LMLN: variants seen among roughly 807,000 people sequenced by gnomAD.
The protein encoded by LMLN is leishmanolysin like peptidase.
Under a neutral mutation model 92.3 loss-of-function variants are expected in LMLN, and 70 were observed. The ratio of observed to expected loss-of-function variants is 0.76; its 90% CI spans 0.63 to 0.92. The LOEUF (loss-of-function observed/expected upper bound fraction) is 0.92. Among genes scored for constraint, LMLN ranks in the 40% least tolerant of loss-of-function variants. LMLN has a pLI of 0.00. For synonymous variants in LMLN, 308 were observed against 296.2 expected (o/e 1.04, Z -0.41); for missense variants, 691 against 814.6 (o/e 0.85, Z 1.85).
chr3:198,035,157 C>T (rs968584370), intron 14 of LMLN, among the ~76,000 whole-genome samples: 1 of 148,630 alleles, frequency 6.7e-6, no homozygotes, highest in Non-Finnish European at 1.5e-5. Context: ...GAGCCAAGAT[C>T]GCCACTGTAT....
At chr3:198,040,042 C>A (rs1723356376) in exon 16 of LMLN, 1 of 152,172 alleles carries the variant, frequency 6.6e-6, no homozygotes, top group Non-Finnish European at 1.5e-5. Context: ...TCCTTTGTGA[C>A]CGATGAAGAT....
At chr3:197,973,783 G>A (rs776171833) in intron 1 of LMLN, among the ~76,000 whole-genome samples, 15 of 152,182 alleles carry the variant, frequency 9.9e-5, no homozygotes, top group Non-Finnish European at 1.9e-4. Context: ...AAATAAAAAT[G>A]TGGTTGTCCA....
At chr3:198,040,224 T>C (rs1723361963) in exon 16 of LMLN, 1 of 152,224 alleles carries the variant, frequency 6.6e-6, no homozygotes, top group South Asian at 2.1e-4. Context: ...TAGCGTCCAC[T>C]GTACCACTTT....
At position 198,019,604 on chromosome 3, in the gene LMLN, G is replaced by GAAT. The variant is rs1431654230; in HGVS notation, c.1365+223_1365+225dup. On this transcript the variant is annotated intron_variant, in intron 12 of 15. Coordinates refer to ENST00000330198, the Ensembl canonical transcript of LMLN. The surrounding 1 kb of genome is among the most constrained non-coding windows in gnomAD (Gnocchi z 5.5). The stretch of plus-strand genomic sequence containing the variant: ...TAGCAGTGTCTTATAATAATGGCAA[G>GAAT]AATAATTTGAATATTTGATCTGTTT... 1.3e-5 allele frequency among the ~76,000 whole-genome samples: 2 copies of GAAT among 152,110 alleles called. No individual in the cohort carries two copies. The highest frequency in any genetic ancestry group is 4.8e-5 in the African/African-American group (2 of 41,410).
chr3:197,962,250 C>G (rs964776625), intron 1 of LMLN, among the ~76,000 whole-genome samples: 1 of 151,888 alleles, frequency 6.6e-6, no homozygotes, highest in Admixed American at 6.6e-5. Context: ...ATGTACTCCT[C>G]TGTATTTGGC....
At position 198,042,646 on chromosome 3, in the gene LMLN, CTG is replaced by C. The variant is rs1188813038; in HGVS notation, c.*3980_*3981del. ...GGAGCAGCAATTTGGGGACAGTAGA[CTG>C]GAGTCACTTTCTGACTCAAAAAGGG... On this transcript the variant is annotated 3_prime_UTR_variant, in exon 16 of 16. Transcript: ENST00000330198. This position sits in a 1 kb window ranked among gnomAD's most constrained non-coding sequence, Gnocchi z 4.2. 2 of 151,956 alleles carry C rather than the reference CTG, an allele frequency of 1.3e-5. No homozygotes were observed. Among genetic ancestry groups the C allele is most frequent in the Non-Finnish European group, 2.9e-5 (2 of 67,980 alleles). The allele number at this position is 151,956 out of a possible 1,614,324, so 9.4% of individuals were successfully genotyped here. A position where few individuals can be genotyped will look rare whatever the true frequency, so the allele number is the denominator to read the frequency against.
intron 1 of LMLN, among the ~76,000 whole-genome samples, chr3:197,968,002 T>A (rs768136888): frequency 1.3e-5 from 2 of 152,230 alleles, no homozygotes; most frequent in Admixed American, 6.5e-5. Context: ...CTAAAATTGC[T>A]GTTATTCTGT....
In LMLN at chr3:198,019,156, T is replaced by G; in HGVS notation, c.1233-97T>G. ...TTTGTTAATTATGAAGGTTTGTATT[T>G]TTAGGCCAGGATCTGGAATTCCATT... is the stretch of plus-strand genomic sequence containing the variant. On this transcript the variant is annotated intron_variant, in intron 11 of 15. Coordinates refer to ENST00000330198, the Ensembl canonical transcript of LMLN. This position sits in a 1 kb window ranked among gnomAD's most constrained non-coding sequence, Gnocchi z 5.5. 1.6e-6 allele frequency: 2 copies of G among 1,244,254 alleles called. No individual in the cohort carries two copies. Among genetic ancestry groups the G allele is most frequent in the Non-Finnish European group, 2.2e-6 (2 of 900,710 alleles). 77.1% of individuals were successfully genotyped at this position (1,244,254 alleles called of 1,614,324 possible). A position where few individuals can be genotyped will look rare whatever the true frequency, so the allele number is the denominator to read the frequency against.
intron 11 of LMLN, among the ~76,000 whole-genome samples, chr3:198,014,851 A>C (rs1486088695): frequency 3.3e-5 from 4 of 120,884 alleles, no homozygotes; most frequent in Admixed American, 8.0e-5. Context: ...GAGCCCCCTA[A>C]CTAGTCTGAC....
chr3:197,965,480 A>G (rs902684376), intron 1 of LMLN, among the ~76,000 whole-genome samples: 52 of 152,098 alleles, frequency 3.4e-4, no homozygotes, highest in Non-Finnish European at 7.4e-5. Context: ...GACTCAAGCA[A>G]TCCTCCTGCC....
chr3:198,017,991 T>C (rs1181820005), intron 11 of LMLN, among the ~76,000 whole-genome samples: 1 of 152,216 alleles, frequency 6.6e-6, no homozygotes, highest in African/African-American at 2.4e-5. Flanking sequence ...GGCTACCATA[T>C]TGGGCAGCAC....
intron 5 of LMLN, among the ~76,000 whole-genome samples, chr3:197,978,196 T>C (rs1468977304): frequency 6.6e-6 from 1 of 152,192 alleles, no homozygotes; most frequent in African/African-American, 2.4e-5. Context: ...TCTGGAAGTA[T>C]ACACACGTTA....
intron 8 of LMLN, among the ~76,000 whole-genome samples, chr3:197,989,496 A>G (rs1435869106): frequency 6.6e-6 from 1 of 152,142 alleles, no homozygotes; most frequent in Non-Finnish European, 1.5e-5. Context: ...CTACTTTCCC[A>G]CTAAATTAAT....
rs868502504 is a variant in LMLN at position 197,980,611 on chromosome 3, C to G, written c.728+107C>G. 42 of 1,106,938 alleles carry G rather than the reference C, an allele frequency of 3.8e-5. No homozygotes were observed. In the Middle Eastern group the frequency reaches 2.4e-3, roughly 65 times the overall value. The allele number at this position is 1,106,938 out of a possible 1,614,324, so 68.6% of individuals were successfully genotyped here. ...CAGGAATCTTGCATTTGCCAGATTG[C>G]CTCTGGTAGACAGGAATAGCATGCT... is the stretch of plus-strand genomic sequence containing the variant. On this transcript the variant is annotated intron_variant, in intron 6 of 15. Transcript: ENST00000330198.
At position 198,019,753 on chromosome 3, in the gene LMLN, TG is replaced by T. The variant is rs1722729784; in HGVS notation, c.1365+370del. 6.6e-6 allele frequency among the ~76,000 whole-genome samples: 1 copy of T among 152,252 alleles called. No individual in the cohort carries two copies. The highest frequency in any genetic ancestry group is 2.4e-5 in the African/African-American group (1 of 41,476). ...CTCCAATCCAGTTAATTAGAAGACT[TG>T]GAAACCCTGCTTTGGAAAAGATTTG... On this transcript the variant is annotated intron_variant, in intron 12 of 15. Transcript: ENST00000330198. This position sits in a 1 kb window ranked among gnomAD's most constrained non-coding sequence, Gnocchi z 5.5.
At chr3:197,960,416 G>C in exon 1 of LMLN, 3 of 1,613,866 alleles carry the variant, frequency 1.9e-6, no homozygotes, top group Non-Finnish European at 2.5e-6. Context: ...CTCCCTGCCG[G>C]CACCACGTCC....
chr3:197,989,481 A>C (rs1199527286), intron 8 of LMLN, among the ~76,000 whole-genome samples: 1 of 152,200 alleles, frequency 6.6e-6, no homozygotes, highest in East Asian at 1.9e-4. Context: ...GTTGTTAGAT[A>C]AATTCTACTT....
intron 11 of LMLN, among the ~76,000 whole-genome samples, chr3:198,011,719 A>T (rs1402089733): frequency 6.6e-6 from 1 of 151,706 alleles, no homozygotes. Flanking sequence ...ACAATGGTTG[A>T]ACTAGTTTAC....
In LMLN at chr3:198,019,325, G is replaced by A; in HGVS notation, c.1305G>A (p.Gln435=). The change falls in exon 12 of 16, where the codon CAG becomes CAA. Residue 435 remains glutamine (Q), a synonymous_variant. Transcript: ENST00000330198. This position sits in a 1 kb window ranked among gnomAD's most constrained non-coding sequence, Gnocchi z 5.5. ...TGCAGCTAACTTGCAGACAGGACCA[G>A]AGAGCAGTTGCCGTGTGTAATTTGC... 1 of 1,614,178 alleles carries A rather than the reference G, an allele frequency of 6.2e-7. No individual in the cohort carries two copies. The highest frequency in any genetic ancestry group is 8.5e-7 in the Non-Finnish European group (1 of 1,180,028).
Sources: allele counts gnomAD v4.1 joint callset (sites outside exome capture counted in the v4.1 genomes callset), GRCh38; gene constraint gnomAD v4.1.1; non-coding constraint Gnocchi (gnomAD v3.1); transcripts MANE v1.5; gene names NCBI Gene and HGNC (gene_info 2026-07-23, HGNC 2026-07-21).